Variants in INSL6 observed in about 807,000 individuals in gnomAD.
The protein encoded by INSL6 is insulin like 6.
Under a neutral mutation model 9.4 loss-of-function variants are expected in INSL6, and 16 were observed. That is an observed-to-expected ratio of 1.70 (90% CI 1.15 to 2.59). The LOEUF (loss-of-function observed/expected upper bound fraction) is 2.59. INSL6 is among the 30% of genes most tolerant of loss of function. The pLI is 0.00. For missense variants in INSL6, 391 were observed against 257.3 expected (o/e 1.52, Z -3.56); for synonymous variants, 154 against 96.9 (o/e 1.59, Z -3.46).
At chr9:5,048,032 TTA>T in the INSL6 span, among the ~76,000 whole-genome samples, 1 of 152,218 alleles carries the variant, frequency 6.6e-6, no homozygotes, top group Non-Finnish European at 1.5e-5. Flanking sequence ...GAATAGTTTA[TTA>T]TGTTTTTAGT....
the INSL6 span, chr9:5,085,827 GC>G: frequency 1.3e-6 from 1 of 760,318 alleles, no homozygotes; most frequent in Admixed American, 1.7e-5. Context: ...TGATCGAAAG[GC>G]TTTTCCTTTT....
the INSL6 span, among the ~76,000 whole-genome samples, chr9:5,066,229 C>T: frequency 1.3e-5 from 2 of 152,052 alleles, no homozygotes; most frequent in African/African-American, 4.8e-5. Flanking sequence ...CATGGTTCTT[C>T]TCTTAGACTT....
chr9:5,179,566 T>G (rs1825398293), intron 1 of INSL6, among the ~76,000 whole-genome samples: 1 of 152,210 alleles, frequency 6.6e-6, no homozygotes, highest in Admixed American at 6.5e-5. Flanking sequence ...GCAGCACTAT[T>G]CACAATAGCA....
the INSL6 span, among the ~76,000 whole-genome samples, chr9:5,082,591 G>A: frequency 3.9e-5 from 6 of 152,368 alleles, 1 homozygote; most frequent in East Asian, 1.2e-3. Flanking sequence ...CTTCACGGAT[G>A]TTGGGCTGGG....
the INSL6 span, among the ~76,000 whole-genome samples, chr9:5,101,991 T>A: frequency 1.3e-5 from 2 of 152,160 alleles, 1 homozygote; most frequent in African/African-American, 4.8e-5. Context: ...AGAGGGCCTC[T>A]TCTCCTCCAA....
chr9:5,062,121 C>G, the INSL6 span, among the ~76,000 whole-genome samples: 1 of 152,186 alleles, frequency 6.6e-6, no homozygotes, highest in South Asian at 2.1e-4. Context: ...TGTGGGTCCA[C>G]TTATATGCAA....
At chr9:5,077,634 A>T in the INSL6 span, 1 of 1,142,120 alleles carries the variant, frequency 8.8e-7, no homozygotes, top group Non-Finnish European at 1.2e-6. Flanking sequence ...ATAAAACAAT[A>T]TACAAATTAT....
intron 2 of INSL6, among the ~76,000 whole-genome samples, chr9:5,136,790 G>A (rs1233677543): frequency 1.3e-5 from 2 of 152,278 alleles, no homozygotes; most frequent in African/African-American, 4.8e-5. Flanking sequence ...GCAAGAGAAA[G>A]AAATAAAGGG....
chr9:5,086,025 G>A, the INSL6 span: 2 of 787,918 alleles, frequency 2.5e-6, no homozygotes, highest in Admixed American at 1.7e-5. Context: ...ATATACATTT[G>A]GACAGGCAGG....
At chr9:5,124,157 G>C (rs1331398196) in exon 4 of INSL6, among the ~76,000 whole-genome samples, 1 of 151,708 alleles carries the variant, frequency 6.6e-6, no homozygotes, top group Non-Finnish European at 1.5e-5. Flanking sequence ...GATTATGCAG[G>C]TTTTCTGTTC....
At chr9:5,092,242 A>G in the INSL6 span, among the ~76,000 whole-genome samples, 3 of 152,156 alleles carry the variant, frequency 2.0e-5, no homozygotes, top group Non-Finnish European at 4.4e-5. Flanking sequence ...CAGTAAACCA[A>G]GAGTAGAGTG....
intron 2 of INSL6, among the ~76,000 whole-genome samples, chr9:5,136,070 C>A (rs940966809): frequency 2.0e-5 from 3 of 152,094 alleles, no homozygotes; most frequent in Non-Finnish European, 2.9e-5. Flanking sequence ...CAAGACTAAA[C>A]CAGAAAGAAG....
the INSL6 span, among the ~76,000 whole-genome samples, chr9:5,044,231 A>C: frequency 1.3e-5 from 2 of 152,226 alleles, no homozygotes; most frequent in Non-Finnish European, 2.9e-5. Context: ...CTTTCTGCCT[A>C]TATTAGTGTT....
At chr9:5,146,705 G>A (rs1359274288) in intron 2 of INSL6, among the ~76,000 whole-genome samples, 1 of 152,216 alleles carries the variant, frequency 6.6e-6, no homozygotes, top group Non-Finnish European at 1.5e-5. Flanking sequence ...TGTGCTGGTG[G>A]GGCAAGTAAA....
At chr9:5,077,207 A>G in the INSL6 span, among the ~76,000 whole-genome samples, 1 of 150,280 alleles carries the variant, frequency 6.7e-6, no homozygotes, top group African/African-American at 2.4e-5. Flanking sequence ...GGTATATTAT[A>G]TATTATACAT....
chr9:5,047,087 A>G, the INSL6 span, among the ~76,000 whole-genome samples: 1 of 152,164 alleles, frequency 6.6e-6, no homozygotes. Flanking sequence ...AATTATGTCT[A>G]GATAGTACCA....
chr9:5,051,137 G>A, the INSL6 span, among the ~76,000 whole-genome samples: 1 of 152,158 alleles, frequency 6.6e-6, no homozygotes, highest in Non-Finnish European at 1.5e-5. Flanking sequence ...ATATTTGCAA[G>A]AGGGATAGTC....
the INSL6 span, among the ~76,000 whole-genome samples, chr9:5,019,468 T>C: frequency 1.3e-5 from 2 of 152,310 alleles, no homozygotes; most frequent in African/African-American, 2.4e-5. Context: ...TTTATCTGTA[T>C]GCGTTTGTAT....
chr9:5,078,824 C>G, the INSL6 span, among the ~76,000 whole-genome samples: 7 of 151,814 alleles, frequency 4.6e-5, no homozygotes, highest in African/African-American at 1.5e-4. Flanking sequence ...TTTTTCTATC[C>G]TCTGTGAAGA....
Sources: gnomAD v4.1 joint callset for allele counts (sites outside exome capture counted in the v4.1 genomes callset) on GRCh38, gnomAD v4.1.1 for gene constraint, MANE v1.5 for transcripts, NCBI Gene and HGNC (gene_info 2026-07-23, HGNC 2026-07-21) for gene names.